Variants in CAMKMT observed in about 807,000 individuals in gnomAD.
CAMKMT encodes the protein calmodulin-lysine N-methyltransferase, also known as CaM KMT.
A neutral mutation model predicts 48.0 loss-of-function variants in CAMKMT; 53 were observed. The observed-to-expected ratio is 1.10, with a 90% CI of 0.89 to 1.39. CAMKMT has a LOEUF of 1.39. Ranked by LOEUF, CAMKMT falls within the 40% of genes most tolerant of loss-of-function variation. CAMKMT has a pLI of 0.00. For synonymous variants in CAMKMT, 165 were observed against 152.3 expected (o/e 1.08, Z -0.61); for missense variants, 428 against 402.7 (o/e 1.06, Z -0.54).
At chr2:44,502,177 C>T (rs1248663834) in intron 3 of CAMKMT, among the ~76,000 whole-genome samples, 2 of 151,912 alleles carry the variant, frequency 1.3e-5, no homozygotes, top group East Asian at 1.9e-4. Flanking sequence ...GCCAAGATCG[C>T]ACCACTACAC....
intron 3 of CAMKMT, among the ~76,000 whole-genome samples, chr2:44,404,588 A>C (rs1682649675): frequency 6.6e-6 from 1 of 152,008 alleles, no homozygotes. Flanking sequence ...TCTTTGCTTA[A>C]ATTTCCCACT....
At chr2:44,525,967 C>T (rs1351034098) in intron 3 of CAMKMT, among the ~76,000 whole-genome samples, 2 of 152,098 alleles carry the variant, frequency 1.3e-5, no homozygotes, top group African/African-American at 2.4e-5. Context: ...ATTAACTCGT[C>T]ATTTAGCATT....
chr2:44,574,904 C>T (rs1669128536), intron 3 of CAMKMT, among the ~76,000 whole-genome samples: 1 of 151,624 alleles, frequency 6.6e-6, no homozygotes, highest in Non-Finnish European at 1.5e-5. Flanking sequence ...CCACGCCCAG[C>T]TAACTGGCTA....
At chr2:44,591,545 G>A (rs1670274248) in intron 3 of CAMKMT, among the ~76,000 whole-genome samples, 1 of 152,058 alleles carries the variant, frequency 6.6e-6, no homozygotes, top group African/African-American at 2.4e-5. Context: ...TCATGATTTG[G>A]CTCTCTGTTT....
At chr2:44,490,267 T>TTTTC (rs984715639) in intron 3 of CAMKMT, among the ~76,000 whole-genome samples, 16 of 152,024 alleles carry the variant, frequency 1.1e-4, no homozygotes, top group Admixed American at 2.0e-4. Flanking sequence ...TTTCTTGTCT[T>TTTTC]TTTCTTTCTT....
chr2:44,490,676 C>T (rs1217380769), intron 3 of CAMKMT, among the ~76,000 whole-genome samples: 2 of 152,056 alleles, frequency 1.3e-5, no homozygotes, highest in African/African-American at 2.4e-5. Flanking sequence ...TGTATTATAA[C>T]TTATGTTGTG....
intron 5 of CAMKMT, among the ~76,000 whole-genome samples, chr2:44,706,621 T>G (rs536865269): frequency 2.9e-4 from 44 of 152,128 alleles, no homozygotes; most frequent in African/African-American, 1.1e-3. Context: ...GCATTTTTTT[T>G]TTTTTTTTCA....
At chr2:44,596,823 GT>G (rs1398492641) in intron 3 of CAMKMT, among the ~76,000 whole-genome samples, 2 of 151,790 alleles carry the variant, frequency 1.3e-5, no homozygotes, top group African/African-American at 4.8e-5. Flanking sequence ...AAATTCTAAG[GT>G]TTACTCAGTC....
chr2:44,495,411 T>C lies in CAMKMT; in HGVS notation c.376+105106T>C, dbSNP rs562107684. Among the ~76,000 whole-genome samples, 15 of 152,300 alleles carry C rather than the reference T, an allele frequency of 9.8e-5. No homozygotes were observed. In the South Asian group the frequency reaches 3.1e-3, roughly 32 times the overall value. ...CTCCTGCCTTGGTCTACCAAAGTGC[T>C]GGAATTAAAGATGTGAGCCACCGTG... On this transcript the variant is annotated intron_variant, in intron 3 of 10. Transcript: ENST00000378494.
chr2:44,690,637 C>T (rs1368355192), intron 3 of CAMKMT, among the ~76,000 whole-genome samples: 1 of 152,106 alleles, frequency 6.6e-6, no homozygotes, highest in South Asian at 2.1e-4. Context: ...GTACACAGCC[C>T]AGTGTTTGCC....
chr2:44,734,020 G>C (rs764346344), intron 7 of CAMKMT, among the ~76,000 whole-genome samples: 1 of 150,646 alleles, frequency 6.6e-6, no homozygotes, highest in Admixed American at 6.6e-5. Context: ...TCAGTGTTTG[G>C]TTTCATTGAT....
chr2:44,557,939 T>C (rs1279473428), intron 3 of CAMKMT, among the ~76,000 whole-genome samples: 1 of 152,228 alleles, frequency 6.6e-6, no homozygotes, highest in Non-Finnish European at 1.5e-5. Flanking sequence ...ATATCTGTTA[T>C]CAGGACCCTG....
At chr2:44,733,975 G>C (rs1679219885) in intron 7 of CAMKMT, among the ~76,000 whole-genome samples, 1 of 151,988 alleles carries the variant, frequency 6.6e-6, no homozygotes, top group Non-Finnish European at 1.5e-5. Flanking sequence ...GATAAGTCAG[G>C]CTAGAGGTTT....
intron 3 of CAMKMT, among the ~76,000 whole-genome samples, chr2:44,584,233 A>G (rs1669725667): frequency 6.6e-6 from 1 of 152,220 alleles, no homozygotes; most frequent in Non-Finnish European, 1.5e-5. Flanking sequence ...TATTTTATAG[A>G]TACACCACAA....
At chr2:44,594,453 C>T (rs1334094304) in intron 3 of CAMKMT, among the ~76,000 whole-genome samples, 1 of 152,064 alleles carries the variant, frequency 6.6e-6, no homozygotes, top group African/African-American at 2.4e-5. Context: ...GGTACTGGTA[C>T]CAAAACAGAT....
At chr2:44,466,553 G>C (rs1290433992) in intron 3 of CAMKMT, among the ~76,000 whole-genome samples, 3 of 152,048 alleles carry the variant, frequency 2.0e-5, no homozygotes, top group Non-Finnish European at 2.9e-5. Context: ...TATAGTGGTA[G>C]ACACATTAAA....
At chr2:44,512,769 A>G (rs1670633726) in intron 3 of CAMKMT, among the ~76,000 whole-genome samples, 2 of 152,352 alleles carry the variant, frequency 1.3e-5, no homozygotes, top group South Asian at 4.1e-4. Flanking sequence ...ATACTTGCTT[A>G]AAATTATATT....
intron 3 of CAMKMT, among the ~76,000 whole-genome samples, chr2:44,585,090 A>G (rs1262935211): frequency 1.3e-5 from 2 of 152,094 alleles, no homozygotes; most frequent in Non-Finnish European, 2.9e-5. Flanking sequence ...TGTTGATTAA[A>G]CCAAAGTAGT....
At chr2:44,381,940 C>CTTT (rs11440012) in intron 2 of CAMKMT, among the ~76,000 whole-genome samples, 17 of 124,804 alleles carry the variant, frequency 1.4e-4, no homozygotes, top group South Asian at 2.6e-4. Context: ...TTATCTTACA[C>CTTT]TTTTTTTTTT....
Sources: gnomAD v4.1 joint callset for allele counts (sites outside exome capture counted in the v4.1 genomes callset) on GRCh38, gnomAD v4.1.1 for gene constraint, MANE v1.5 for transcripts, NCBI Gene and HGNC (gene_info 2026-07-23, HGNC 2026-07-21) for gene names.